The following ZNF493 variants were observed in gnomAD, a reference collection of about 807,000 sequenced individuals.
The protein encoded by ZNF493 is zinc finger protein 493.
ZNF493 carries 11 observed loss-of-function variants against 12.2 expected under a neutral mutation model. That is an observed-to-expected ratio of 0.90 (90% CI 0.57 to 1.50). The LOEUF (loss-of-function observed/expected upper bound fraction) is 1.50. ZNF493 is among the 40% of genes most tolerant of loss of function. ZNF493 has a pLI of 0.00. For synonymous variants in ZNF493, 286 were observed against 302.6 expected, an observed-to-expected ratio of 0.95 and a Z score of 0.57; for missense variants, 950 against 906.6, an observed-to-expected ratio of 1.05 and a Z score of -0.61.
At chr19:21,405,619 G>A in intron 2 of ZNF493, 142 bp from the exon 3 acceptor site, 1 of 1,082,406 alleles carries the variant, frequency 9.2e-7, no homozygotes. Context: ...TTTTCTAAAT[G>A]TTAAGAACTT....
rs115036226 is a variant in ZNF493, at chr19:21,423,484, C to G, written c.825C>G (p.Tyr275Ter). 3.1e-6 allele frequency: 5 copies of G among 1,612,270 alleles called. No individual in the cohort carries two copies. The Admixed American group carries it at 6.7e-5, about 22-fold the overall frequency. ...YKCEECGTSF[Y>*]QFSYLTRHKL... ...GTGAAGAATGTGGCACATCTTTCTA[C>G]CAATTCTCATACCTTACTAGGCATA... The change falls in exon 4 of 4, where the codon TAC (tyrosine) becomes TAG (stop). Residue 275 changes from tyrosine (Y) to a stop codon, truncating the protein, a stop_gained. Coordinates refer to ENST00000392288, the MANE Select transcript of ZNF493 (RefSeq NM_001076678.3). LOFTEE classifies it low-confidence loss of function (END_TRUNC).
intron 3 of ZNF493, 50 bp from the exon 4 acceptor site, chr19:21,422,863 T>C (rs772798051): frequency 2.1e-6 from 3 of 1,453,742 alleles, no homozygotes; most frequent in Non-Finnish European, 2.8e-6. Context: ...GTAATCTATA[T>C]TTATCTGAGT....
In ZNF493 at chr19:21,415,036, A is replaced by G. The variant is rs149086444; in HGVS notation, c.254-7877A>G. Among the ~76,000 whole-genome samples the G allele has an allele frequency of 1.1e-4, 16 of 152,318 alleles. 1 individual carries two copies. In the East Asian group the frequency reaches 3.1e-3, roughly 29 times the overall value. ...TCCAGGATCATATCTGTGTAATTTAACAATCCGAGTTCTCCCAATCCCTAT... is the reference window on the plus strand; with the variant it reads ...TCCAGGATCATATCTGTGTAATTTAGCAATCCGAGTTCTCCCAATCCCTAT... On this transcript the variant is annotated intron_variant, in intron 3 of 3. Transcript: ENST00000392288.
At chr19:21,419,154 G>A (rs2030581118) in intron 3 of ZNF493, among the ~76,000 whole-genome samples, 1 of 152,150 alleles carries the variant, frequency 6.6e-6, no homozygotes, top group African/African-American at 2.4e-5. Flanking sequence ...AGAGCCATGT[G>A]ACTGGCATCT....
chr19:21,406,316 G>A (rs1484387247), intron 3 of ZNF493, among the ~76,000 whole-genome samples: 1 of 151,874 alleles, frequency 6.6e-6, no homozygotes, highest in African/African-American at 2.4e-5. Context: ...CCAAAGCAAA[G>A]AGTTTCTCGG....
chr19:21,412,528 G>GTC (rs36119853), intron 3 of ZNF493: 146,904 of 155,944 alleles, frequency 0.94, 69,442 homozygotes, highest in Middle Eastern at 1. Flanking sequence ...TTCCCAACAT[G>GTC]TCTCTTCTTT....
Position 21,424,689 on chromosome 19 carries a change from T to C in ZNF493, c.2030T>C (p.Ile677Thr), listed in dbSNP as rs747817680. ...SIFSTLTKHK[I>T]IHTEEKPYKC... is the part of the protein sequence containing the mutation. ...TTCTCAACCCTTACTAAACATAAGATAATTCATACTGAAGAGAAACCCTAC... is the reference window on the plus strand; with the variant it reads ...TTCTCAACCCTTACTAAACATAAGACAATTCATACTGAAGAGAAACCCTAC... The change falls in exon 4 of 4, where the codon ATA (isoleucine) becomes ACA (threonine). Residue 677 changes from isoleucine (I) to threonine (T), a missense_variant. Coordinates refer to ENST00000392288, the MANE Select transcript of ZNF493 (RefSeq NM_001076678.3). The C allele has an allele frequency of 1.2e-6, 2 of 1,613,462 alleles. No homozygotes were observed. The highest frequency in any genetic ancestry group is 1.7e-5 in the Admixed American group (1 of 59,946).
intron 3 of ZNF493, among the ~76,000 whole-genome samples, chr19:21,416,700 ACT>A (rs2030505056): frequency 6.6e-6 from 1 of 152,058 alleles, no homozygotes; most frequent in East Asian, 1.9e-4. Flanking sequence ...GTTTAATTTC[ACT>A]TTTTCCCATT....
chr19:21,420,623 ATTTTTTT>A (rs1164416201), intron 3 of ZNF493, among the ~76,000 whole-genome samples: 6 of 16,114 alleles, frequency 3.7e-4, no homozygotes, highest in African/African-American at 6.7e-4. Flanking sequence ...ATATATATAT[ATTTTTTT>A]TTTTTTTTTT....
intron 1 of ZNF493, among the ~76,000 whole-genome samples, chr19:21,404,377 A>T (rs1186559031): frequency 6.6e-6 from 1 of 152,240 alleles, no homozygotes; most frequent in African/African-American, 2.4e-5. Flanking sequence ...AGTTGATTTT[A>T]AAATTTACTT....
In ZNF493 at chr19:21,425,569, C is replaced by G; in HGVS notation, c.*585C>G. The stretch of plus-strand genomic sequence containing the variant: ...GCCTTTAGCCTGTCCCTCCAATTTA[C>G]TGCACATAAGATAATTTATACTGGA... On this transcript the variant is annotated 3_prime_UTR_variant, in exon 4 of 4. Transcript: ENST00000392288. 1.7e-6 allele frequency: 1 copy of G among 594,836 alleles called. No homozygotes were observed. The highest frequency in any genetic ancestry group is 3.1e-6 in the Non-Finnish European group (1 of 321,396). The allele number at this position is 594,836 out of a possible 1,614,324, so 36.8% of individuals were successfully genotyped here.
At chr19:21,418,568 G>A (rs1422050359) in intron 3 of ZNF493, among the ~76,000 whole-genome samples, 1 of 152,168 alleles carries the variant, frequency 6.6e-6, no homozygotes, top group African/African-American at 2.4e-5. Context: ...CCCTAACCCA[G>A]CGGCACTAGA....
intron 3 of ZNF493, among the ~76,000 whole-genome samples, chr19:21,410,877 C>T (rs1227612977): frequency 1.3e-5 from 2 of 152,088 alleles, no homozygotes; most frequent in Non-Finnish European, 2.9e-5. Flanking sequence ...ACGGCAACTT[C>T]TGTCTTCCAA....
chr19:21,424,753 A>G lies in ZNF493; in HGVS notation c.2094A>G (p.Ser698=). The G allele has an allele frequency of 6.2e-7, 1 of 1,613,438 alleles. No homozygotes were observed. Among genetic ancestry groups the G allele is most frequent in the Non-Finnish European group, 8.5e-7 (1 of 1,179,642 alleles). The change falls in exon 4 of 4, where the codon TCA becomes TCG. Residue 698 remains serine (S), a synonymous_variant. Transcript: ENST00000392288. ...EKCGKTFYRF[S]NLNTHKIIHT... ...GTGGCAAAACTTTCTACCGATTCTC[A>G]AACCTTAATACGCATAAGATAATTC...
intron 3 of ZNF493, chr19:21,412,919 T>C (rs1050376274): frequency 3.2e-5 from 14 of 437,070 alleles, no homozygotes; most frequent in African/African-American, 2.5e-4. Flanking sequence ...GCAGGCCTTA[T>C]CATTTGAGGT....
intron 3 of ZNF493, among the ~76,000 whole-genome samples, chr19:21,416,749 T>C (rs2030507442): frequency 6.6e-6 from 1 of 152,154 alleles, no homozygotes; most frequent in Non-Finnish European, 1.5e-5. Flanking sequence ...TGCTATGCGC[T>C]CTCCTGGCTC....
intron 3 of ZNF493, 51 bp downstream of exon 3, chr19:21,405,907 TAAAAAAAA>T (rs386388731): frequency 1.9e-4 from 34 of 180,436 alleles, no homozygotes; most frequent in South Asian, 4.0e-4. Context: ...TTGAAAGATT[TAAAAAAAA>T]AAAAAAAAAA....
Position 21,424,543 on chromosome 19 carries a change from C to T in ZNF493, c.1884C>T (p.Pro628=), listed in dbSNP as rs781447976. 17 of 1,611,288 alleles carry T rather than the reference C, an allele frequency of 1.1e-5. No individual in the cohort carries two copies. The African/African-American group carries it at 1.6e-4, about 15-fold the overall frequency. ...IHKKIHTGEK[P]YKCEECGKAF... ...AGAAAATTCATACTGGAGAAAAACC[C>T]TACAAATGTGAAGAATGTGGCAAAG... Residue 628 remains proline, a synonymous_variant, in exon 4 of 4, where the codon CCC becomes CCT. Transcript: ENST00000392288.
chr19:21,423,262 A>C lies in ZNF493; in HGVS notation c.603A>C (p.Lys201Asn). ...TGCTTTTACACCTATGTCAGCATAA[A>C]AGAATTCATATTAGAGAGAATTCTT... ...FCMLLHLCQH[K>N]RIHIRENSYR... Residue 201 changes from lysine to asparagine, a missense_variant, in exon 4 of 4, where the codon AAA (lysine) becomes AAC (asparagine). Coordinates refer to ENST00000392288, the MANE Select transcript of ZNF493 (RefSeq NM_001076678.3). 1 of 1,613,800 alleles carries C rather than the reference A, an allele frequency of 6.2e-7. No homozygotes were observed. Among genetic ancestry groups the C allele is most frequent in the Non-Finnish European group, 8.5e-7 (1 of 1,179,838 alleles).
Sources: gnomAD v4.1 joint callset for allele counts (sites outside exome capture counted in the v4.1 genomes callset) on GRCh38, gnomAD v4.1.1 for gene constraint, MANE v1.5 for transcripts, NCBI Gene and HGNC (gene_info 2026-07-23, HGNC 2026-07-21) for gene names.